The following ITPKB variants were observed in gnomAD, a reference collection of about 807,000 sequenced individuals.
ITPKB encodes IP3 3-kinase B.
Under a neutral mutation model 69.4 loss-of-function variants are expected in ITPKB, and 13 were observed. The ratio of observed to expected loss-of-function variants is 0.19; its 90% CI spans 0.12 to 0.30. ITPKB has a LOEUF of 0.30. Among genes scored for constraint, ITPKB ranks in the 10% least tolerant of loss-of-function variants. The pLI, the probability that ITPKB is intolerant of heterozygous loss-of-function variation, is 1.00. For synonymous variants in ITPKB, 584 were observed against 513.7 expected, an observed-to-expected ratio of 1.14 and a Z score of -1.85; for missense variants, 1,240 against 1,250.5, an observed-to-expected ratio of 0.99 and a Z score of 0.13.
intron 2 of ITPKB, among the ~76,000 whole-genome samples, chr1:226,672,504 TC>T (rs908221336): frequency 2.6e-4 from 40 of 152,172 alleles, no homozygotes; most frequent in Non-Finnish European, 3.7e-4. Context: ...AACAGAGCAC[TC>T]CCCAAGGCAA....
intron 2 of ITPKB, among the ~76,000 whole-genome samples, chr1:226,692,655 T>C (rs928925858): frequency 6.6e-6 from 1 of 152,184 alleles, no homozygotes; most frequent in African/African-American, 2.4e-5. Context: ...TGGCTATTTC[T>C]GAGCCGGCCA....
chr1:226,692,798 T>A (rs1656388546), intron 2 of ITPKB, among the ~76,000 whole-genome samples: 1 of 152,182 alleles, frequency 6.6e-6, no homozygotes, highest in Admixed American at 6.5e-5. Flanking sequence ...ATACTCAGGT[T>A]TGAAGAACAT....
chr1:226,687,280 T>C (rs539807205), intron 2 of ITPKB, among the ~76,000 whole-genome samples: 2 of 152,312 alleles, frequency 1.3e-5, no homozygotes, highest in African/African-American at 4.8e-5. Context: ...AACCGTAAGT[T>C]ATTCATAAGA....
In ITPKB at chr1:226,634,938, C is replaced by T; in HGVS notation, c.2626-52G>A. Reference sequence around the variant, plus strand: ...GAGCTGAAGCCCGGGCCTCGCCCTCCCCACTGCGGCCCGGGGCCTGGGTGA... The same window carrying T: ...GAGCTGAAGCCCGGGCCTCGCCCTCTCCACTGCGGCCCGGGGCCTGGGTGA... On this transcript the variant is annotated intron_variant, in intron 7 of 7. Coordinates refer to ENST00000429204, the MANE Select transcript of ITPKB (RefSeq NM_002221.4). The surrounding 1 kb of genome is among the most constrained non-coding windows in gnomAD (Gnocchi z 6.3). The T allele has an allele frequency of 2.1e-6, 3 of 1,433,218 alleles. No individual in the cohort carries two copies. Among genetic ancestry groups the T allele is most frequent in the Non-Finnish European group, 2.9e-6 (3 of 1,039,932 alleles). 88.8% of individuals were successfully genotyped at this position (1,433,218 alleles called of 1,614,324 possible). A position where few individuals can be genotyped will look rare whatever the true frequency, so the allele number is the denominator to read the frequency against.
chr1:226,695,639 A>G (rs1460431619), intron 2 of ITPKB, among the ~76,000 whole-genome samples: 7 of 152,314 alleles, frequency 4.6e-5, no homozygotes, highest in Non-Finnish European at 8.8e-5. Context: ...CAGACCTGAC[A>G]CTACCTGTGG....
intron 2 of ITPKB, among the ~76,000 whole-genome samples, chr1:226,649,346 T>A (rs543113304): frequency 8.7e-6 from 1 of 115,494 alleles, no homozygotes; most frequent in Non-Finnish European, 1.6e-5. Flanking sequence ...TATGTGTGCA[T>A]ATGTGATATA....
intron 2 of ITPKB, among the ~76,000 whole-genome samples, chr1:226,722,932 T>C (rs182641070): frequency 6.6e-6 from 1 of 152,276 alleles, no homozygotes; most frequent in African/African-American, 2.4e-5. Context: ...GCAGGCTACC[T>C]GCTCCCCCTG....
intron 2 of ITPKB, among the ~76,000 whole-genome samples, chr1:226,695,460 T>C (rs1288887646): frequency 6.6e-6 from 1 of 152,150 alleles, no homozygotes; most frequent in Non-Finnish European, 1.5e-5. Context: ...CAAAGGGGGT[T>C]GGTTAACCTT....
intron 2 of ITPKB, among the ~76,000 whole-genome samples, chr1:226,659,237 A>G (rs866964337): frequency 2.0e-5 from 3 of 151,736 alleles, no homozygotes; most frequent in Non-Finnish European, 4.4e-5. Flanking sequence ...CATCATGGCC[A>G]CTCTTCCTCT....
chr1:226,668,418 T>C (rs191824597), intron 2 of ITPKB, among the ~76,000 whole-genome samples: 2 of 152,288 alleles, frequency 1.3e-5, no homozygotes, highest in Admixed American at 1.3e-4. Flanking sequence ...GTACGATGTG[T>C]TCCTAAGCTT....
At chr1:226,635,264 C>T (rs1481290292) in intron 7 of ITPKB, among the ~76,000 whole-genome samples, 1 of 152,008 alleles carries the variant, frequency 6.6e-6, no homozygotes, top group Non-Finnish European at 1.5e-5. Context: ...TCTGTCGCCC[C>T]AGCTGGAGTG....
chr1:226,692,820 T>TA (rs1036498575), intron 2 of ITPKB, among the ~76,000 whole-genome samples: 1 of 152,114 alleles, frequency 6.6e-6, no homozygotes, highest in African/African-American at 2.4e-5. Flanking sequence ...CCAACTTCTT[T>TA]AAAAAAAGAA....
At chr1:226,711,197 C>A (rs961732122) in intron 2 of ITPKB, among the ~76,000 whole-genome samples, 9 of 152,090 alleles carry the variant, frequency 5.9e-5, no homozygotes, top group Admixed American at 2.6e-4. Flanking sequence ...AATGAAAATT[C>A]TTCACTTAAA....
intron 2 of ITPKB, among the ~76,000 whole-genome samples, chr1:226,672,393 T>C (rs534030282): frequency 6.6e-6 from 1 of 152,200 alleles, no homozygotes; most frequent in Non-Finnish European, 1.5e-5. Context: ...CACTATCCAA[T>C]GTTATCTCTG....
At chr1:226,720,741 G>A (rs1402754457) in intron 2 of ITPKB, among the ~76,000 whole-genome samples, 1 of 152,166 alleles carries the variant, frequency 6.6e-6, no homozygotes, top group Non-Finnish European at 1.5e-5. Flanking sequence ...AACTCCCAGT[G>A]AATTTCAAAA....
intron 7 of ITPKB, among the ~76,000 whole-genome samples, chr1:226,636,429 C>T (rs908152504): frequency 2.6e-5 from 4 of 152,254 alleles, no homozygotes; most frequent in Admixed American, 1.3e-4. Context: ...TCTCCAGGCG[C>T]CCCGCAGGGA....
intron 2 of ITPKB, among the ~76,000 whole-genome samples, chr1:226,699,288 G>A (rs1656575864): frequency 6.6e-6 from 1 of 152,242 alleles, no homozygotes; most frequent in Non-Finnish European, 1.5e-5. Context: ...TGTACCTGGA[G>A]GATGATCTCT....
At chr1:226,723,594 T>C (rs1571876003) in intron 2 of ITPKB, among the ~76,000 whole-genome samples, 1 of 152,024 alleles carries the variant, frequency 6.6e-6, no homozygotes, top group East Asian at 1.9e-4. Flanking sequence ...TATAGAGAGA[T>C]ATATATGTAT....
rs1057046869 is a variant in ITPKB, at chr1:226,639,494, A to G, written c.2553+63T>C. Reference sequence around the variant, plus strand: ...TTGTCCTCCCCATGGGCACCTCCAGAGTAGACACAGTTGTCCCTCCCTGGC... The same window carrying G: ...TTGTCCTCCCCATGGGCACCTCCAGGGTAGACACAGTTGTCCCTCCCTGGC... On this transcript the variant is annotated intron_variant, in intron 6 of 7. Transcript: ENST00000429204. The G allele has an allele frequency of 6.3e-6, 7 of 1,109,722 alleles. No individual in the cohort carries two copies. In the African/African-American group the frequency reaches 1.1e-4, roughly 17 times the overall value. 68.7% of individuals were successfully genotyped at this position (1,109,722 alleles called of 1,614,324 possible).
Sources: allele counts gnomAD v4.1 joint callset (sites outside exome capture counted in the v4.1 genomes callset), GRCh38; gene constraint gnomAD v4.1.1; non-coding constraint Gnocchi (gnomAD v3.1); transcripts MANE v1.5; gene names NCBI Gene and HGNC (gene_info 2026-07-23, HGNC 2026-07-21).